HNRNPLL: variants seen among roughly 807,000 people sequenced by gnomAD.
The protein encoded by HNRNPLL is heterogeneous nuclear ribonucleoprotein L-like.
HNRNPLL carries 25 observed loss-of-function variants against 67.1 expected under a neutral mutation model. The observed-to-expected ratio is 0.37, with a 90% CI of 0.27 to 0.52. HNRNPLL has a LOEUF of 0.52. Ranked by LOEUF, HNRNPLL falls within the 20% of genes least tolerant of loss-of-function variation. HNRNPLL has a pLI of 0.90. For missense variants in HNRNPLL, 542 were observed against 673.9 expected (o/e 0.80, Z 2.17); for synonymous variants, 267 against 241.7 (o/e 1.10, Z -0.97).
At chr2:38,582,657 C>T (rs113630161) in intron 4 of HNRNPLL, among the ~76,000 whole-genome samples, 9 of 152,124 alleles carry the variant, frequency 5.9e-5, no homozygotes, top group South Asian at 4.2e-4. Context: ...CAGTTGCTCA[C>T]GCCTGTAATC....
intron 6 of HNRNPLL, chr2:38,581,231 T>C (rs1212302031): frequency 2.6e-5 from 4 of 152,216 alleles, no homozygotes; most frequent in African/African-American, 7.2e-5. Context: ...ATTTACAACA[T>C]TGCAGATGAA....
chr2:38,573,352 T>A lies in HNRNPLL; in HGVS notation c.950A>T (p.Tyr317Phe). 6.2e-7 allele frequency: 1 copy of A among 1,612,824 alleles called. No individual in the cohort carries two copies. ...GSRDTPELVA[Y>F]PLPQASSSYM... ...AGAGGAAGAAGCCTGTGGTAATGGATAAGCAACAAGTTCAGGTGTATCTCG... is the reference window on the plus strand; with the variant it reads ...AGAGGAAGAAGCCTGTGGTAATGGAAAAGCAACAAGTTCAGGTGTATCTCG... Residue 317 changes from tyrosine (Y) to phenylalanine (F), a missense_variant, in exon 8 of 13, where the codon TAT becomes TTT. Physicochemically the swap from Tyr to Phe is conservative, Grantham distance 22. Transcript: ENST00000449105.
intron 6 of HNRNPLL, among the ~76,000 whole-genome samples, chr2:38,579,891 T>C (rs547649119): frequency 1.3e-5 from 2 of 152,256 alleles, no homozygotes; most frequent in South Asian, 4.1e-4. Context: ...CAAATATCTG[T>C]AAGGAATTAG....
chr2:38,591,716 C>A, intron 1 of HNRNPLL, 68 bp from the exon 2 acceptor site: 3 of 927,170 alleles, frequency 3.2e-6, no homozygotes, highest in Non-Finnish European at 5.1e-6. Context: ...TGGCTCACGC[C>A]TGTAATCCCT....
Position 38,602,731 on chromosome 2 carries a change from G to GA in HNRNPLL, c.-106dup. On this transcript the variant is annotated 5_prime_UTR_variant, in exon 1 of 13. Coordinates refer to ENST00000449105, the MANE Select transcript of HNRNPLL (RefSeq NM_138394.4). ...TCGCCGCCGGCAGCGCCTCTTCTGC[G>GA]AGGGTCTCCGCGGCCCGGCCGTCCG... is the stretch of plus-strand genomic sequence containing the variant. 6.7e-7 allele frequency: 1 copy of GA among 1,485,588 alleles called. No homozygotes were observed. Among genetic ancestry groups the GA allele is most frequent in the South Asian group, 1.3e-5 (1 of 76,444 alleles). The allele number at this position is 1,485,588 out of a possible 1,614,324, so 92.0% of individuals were successfully genotyped here.
chr2:38,574,306 G>C (rs936759475), intron 7 of HNRNPLL, among the ~76,000 whole-genome samples: 1 of 151,768 alleles, frequency 6.6e-6, no homozygotes, highest in African/African-American at 2.4e-5. Context: ...GCAATAAGAA[G>C]AAAGGCAGAG....
intron 1 of HNRNPLL, among the ~76,000 whole-genome samples, chr2:38,596,542 GC>G (rs1021217076): frequency 2.2e-4 from 33 of 152,244 alleles, no homozygotes; most frequent in African/African-American, 7.5e-4. Context: ...ACAGCTGTGA[GC>G]CACCGCGCCC....
intron 6 of HNRNPLL, among the ~76,000 whole-genome samples, chr2:38,579,368 C>T (rs995743710): frequency 6.6e-6 from 1 of 151,606 alleles, no homozygotes; most frequent in Non-Finnish European, 1.5e-5. Context: ...ATGTAACTAA[C>T]CTGCACATTG....
At chr2:38,598,935 G>A (rs1412848111) in intron 1 of HNRNPLL, among the ~76,000 whole-genome samples, 1 of 152,100 alleles carries the variant, frequency 6.6e-6, no homozygotes, top group South Asian at 2.1e-4. Flanking sequence ...TTACCTCTGG[G>A]GCACACATCC....
chr2:38,593,633 T>TA (rs924804968), intron 1 of HNRNPLL, among the ~76,000 whole-genome samples: 1 of 152,176 alleles, frequency 6.6e-6, no homozygotes, highest in Non-Finnish European at 1.5e-5. Flanking sequence ...CTCATGCCTG[T>TA]AATCCAGCAC....
chr2:38,576,179 T>A (rs918435159), intron 7 of HNRNPLL, among the ~76,000 whole-genome samples: 8 of 151,848 alleles, frequency 5.3e-5, no homozygotes, highest in Admixed American at 1.3e-4. Flanking sequence ...TTCCTTGTCC[T>A]TCATTTATTC....
At chr2:38,585,181 T>C (rs1666678320) in intron 3 of HNRNPLL, among the ~76,000 whole-genome samples, 1 of 152,164 alleles carries the variant, frequency 6.6e-6, no homozygotes, top group South Asian at 2.1e-4. Context: ...AATAACACTT[T>C]TCAAAAGAGT....
intron 1 of HNRNPLL, among the ~76,000 whole-genome samples, chr2:38,594,303 G>A (rs1667087723): frequency 6.6e-6 from 1 of 152,100 alleles, no homozygotes; most frequent in Non-Finnish European, 1.5e-5. Context: ...ATACAGACAG[G>A]ATATTAGGTT....
rs372537682 is a variant in HNRNPLL at position 38,595,347 on chromosome 2, C to T, written c.190-3699G>A. Reference sequence around the variant, plus strand: ...AAATTGATCACATCTCTTCTTACTACCCCCTTCCCTTCCCATTATAGGTAA... The same window carrying T: ...AAATTGATCACATCTCTTCTTACTATCCCCTTCCCTTCCCATTATAGGTAA... On this transcript the variant is annotated intron_variant, in intron 1 of 12. Coordinates refer to ENST00000449105, the MANE Select transcript of HNRNPLL (RefSeq NM_138394.4). Among the ~76,000 whole-genome samples, 18 of 150,758 alleles carry T rather than the reference C, an allele frequency of 1.2e-4. No homozygotes were observed. The South Asian group carries it at 3.4e-3, about 28-fold the overall frequency.
intron 12 of HNRNPLL, among the ~76,000 whole-genome samples, chr2:38,564,770 A>G (rs1231622137): frequency 6.6e-6 from 1 of 151,940 alleles, no homozygotes; most frequent in Non-Finnish European, 1.5e-5. Context: ...AATTTTTTTT[A>G]GTGAATTCAT....
intron 1 of HNRNPLL, among the ~76,000 whole-genome samples, chr2:38,598,038 T>C (rs570539704): frequency 6.6e-6 from 1 of 151,806 alleles, no homozygotes; most frequent in African/African-American, 2.4e-5. Flanking sequence ...GCTCATGTAA[T>C]AGAAATCATT....
chr2:38,597,054 A>T (rs1039970054), intron 1 of HNRNPLL, among the ~76,000 whole-genome samples: 8 of 152,022 alleles, frequency 5.3e-5, no homozygotes, highest in Non-Finnish European at 1.0e-4. Context: ...TTTTTTCACA[A>T]CTCCCTCTTC....
chr2:38,583,817 T>C (rs1460198647), intron 4 of HNRNPLL, 24 bp downstream of exon 4: 8 of 1,159,982 alleles, frequency 6.9e-6, no homozygotes, highest in African/African-American at 1.6e-5. Context: ...TACACATCAA[T>C]AAAAATTTAC....
At chr2:38,598,568 A>G (rs1667303942) in intron 1 of HNRNPLL, among the ~76,000 whole-genome samples, 1 of 152,248 alleles carries the variant, frequency 6.6e-6, no homozygotes, top group African/African-American at 2.4e-5. Context: ...ATGTAGAACC[A>G]GATTTTTAGA....
Sources: allele counts gnomAD v4.1 joint callset (sites outside exome capture counted in the v4.1 genomes callset), GRCh38; gene constraint gnomAD v4.1.1; transcripts MANE v1.5; gene names NCBI Gene and HGNC (gene_info 2026-07-23, HGNC 2026-07-21).